SPPL2A: variants seen among roughly 807,000 people sequenced by gnomAD.
SPPL2A encodes signal peptide peptidase-like 2A.
Under a neutral mutation model 63.8 loss-of-function variants are expected in SPPL2A, and 51 were observed. The observed-to-expected ratio is 0.80, with a 90% CI of 0.64 to 1.01. The LOEUF (loss-of-function observed/expected upper bound fraction) is 1.01. SPPL2A is among the 50% of genes least tolerant of loss of function. SPPL2A has a pLI of 0.00. For synonymous variants in SPPL2A, 188 were observed against 205.8 expected, an observed-to-expected ratio of 0.91 and a Z score of 0.74; for missense variants, 553 against 622.7, an observed-to-expected ratio of 0.89 and a Z score of 1.19.
chr15:50,763,855 G>A (rs1319609531), intron 1 of SPPL2A, among the ~76,000 whole-genome samples: 5 of 152,038 alleles, frequency 3.3e-5, no homozygotes, highest in Admixed American at 6.6e-5. Flanking sequence ...CCGAGATCGC[G>A]CCACTGCACT....
Position 50,707,511 on chromosome 15 carries a change from AG to A in SPPL2A, c.*288del. 3 of 257,770 alleles carry A rather than the reference AG, an allele frequency of 1.2e-5. No individual in the cohort carries two copies. Among genetic ancestry groups the A allele is most frequent in the East Asian group, 7.2e-5 (1 of 13,850 alleles). The allele number at this position is 257,770 out of a possible 1,614,324, so 16.0% of individuals were successfully genotyped here. A position where few individuals can be genotyped will look rare whatever the true frequency, so the allele number is the denominator to read the frequency against. On this transcript the variant is annotated 3_prime_UTR_variant, in exon 15 of 15. Transcript: ENST00000261854. ...AAAGAAACAGATTTCGTTAAAAAAA[AG>A]TATAGGGGTGGGTCAAGGCATTTTT... is the stretch of plus-strand genomic sequence containing the variant.
chr15:50,758,989 C>A (rs139962654), intron 1 of SPPL2A, among the ~76,000 whole-genome samples: 1 of 152,162 alleles, frequency 6.6e-6, no homozygotes, highest in Non-Finnish European at 1.5e-5. Flanking sequence ...CAGCTCACTG[C>A]TGCCTTCAAC....
chr15:50,722,012 C>T, intron 13 of SPPL2A, 112 bp downstream of exon 13: 1 of 637,536 alleles, frequency 1.6e-6, no homozygotes, highest in East Asian at 2.8e-5. Flanking sequence ...TGCTAGGACT[C>T]CAGGGGTGAA....
chr15:50,764,132 A>T (rs1308486822), intron 1 of SPPL2A, among the ~76,000 whole-genome samples: 4 of 152,204 alleles, frequency 2.6e-5, no homozygotes, highest in African/African-American at 9.7e-5. Flanking sequence ...TTGAGAAGGG[A>T]TTAGTACGAA....
chr15:50,709,517 C>T (rs999108100), intron 14 of SPPL2A, among the ~76,000 whole-genome samples: 1 of 152,094 alleles, frequency 6.6e-6, no homozygotes, highest in Non-Finnish European at 1.5e-5. Flanking sequence ...CTGGGCCGGG[C>T]GCGGTGGCTC....
At chr15:50,714,319 T>C (rs546141055) in intron 14 of SPPL2A, among the ~76,000 whole-genome samples, 1 of 152,332 alleles carries the variant, frequency 6.6e-6, no homozygotes, top group South Asian at 2.1e-4. Context: ...TGTAGGTAGC[T>C]GCTGTGAAGC....
intron 13 of SPPL2A, among the ~76,000 whole-genome samples, chr15:50,721,796 C>G (rs967775355): frequency 2.0e-5 from 3 of 151,950 alleles, no homozygotes; most frequent in African/African-American, 7.3e-5. Flanking sequence ...TTAGTAGAGA[C>G]AGGGTTTCAT....
chr15:50,762,378 A>AC (rs1234413112), intron 1 of SPPL2A, among the ~76,000 whole-genome samples: 4 of 152,050 alleles, frequency 2.6e-5, no homozygotes, highest in African/African-American at 9.7e-5. Flanking sequence ...AAAAAAAAAA[A>AC]AAAACAAAAA....
intron 1 of SPPL2A, among the ~76,000 whole-genome samples, chr15:50,759,305 G>T (rs2062988856): frequency 1.3e-5 from 2 of 152,138 alleles, no homozygotes; most frequent in Admixed American, 1.3e-4. Flanking sequence ...TATTAGCTGG[G>T]TACAGTGGCT....
chr15:50,719,121 G>A (rs1485696636), intron 14 of SPPL2A, among the ~76,000 whole-genome samples: 1 of 152,156 alleles, frequency 6.6e-6, no homozygotes, highest in African/African-American at 2.4e-5. Context: ...AACCACTCAA[G>A]CAAAAGAGAC....
chr15:50,731,023 A>G lies in SPPL2A; in HGVS notation c.1031T>C (p.Leu344Pro), dbSNP rs551876182. 6 of 1,490,132 alleles carry G rather than the reference A, an allele frequency of 4.0e-6. No homozygotes were observed. The East Asian group carries it at 1.1e-4, about 28-fold the overall frequency. 92.3% of individuals were successfully genotyped at this position (1,490,132 alleles called of 1,614,324 possible). ...TACATCATAGAGGAGGAGAAGGCCT[A>G]GAAGTATCACACATGACTGTCAAAG... ...LPNFKSCVIL[L>P]GLLLLYDVFF... is the part of the protein sequence containing the mutation. Residue 344 changes from leucine to proline, a missense_variant, in exon 10 of 15, where the codon CTA becomes CCA. Transcript: ENST00000261854.
At chr15:50,709,108 A>G (rs2062536976) in intron 14 of SPPL2A, among the ~76,000 whole-genome samples, 1 of 152,210 alleles carries the variant, frequency 6.6e-6, no homozygotes, top group South Asian at 2.1e-4. Context: ...ATTCTCATAA[A>G]AAATTGTCTT....
chr15:50,739,747 T>C lies in SPPL2A; in HGVS notation c.666A>G (p.Thr222=), dbSNP rs1289240746. The change falls in exon 6 of 15, where the codon ACA becomes ACG. Residue 222 remains threonine, a synonymous_variant. Coordinates refer to ENST00000261854, the MANE Select transcript of SPPL2A (RefSeq NM_032802.4). Reference sequence around the variant, plus strand: ...AGCAGATGACCACAAATATTACAACTGTAAGAGGACTAAAAGTTAAATATT... The same window carrying C: ...AGCAGATGACCACAAATATTACAACCGTAAGAGGACTAAAAGTTAAATATT... ...KEEYLTFSPL[T]VVIFVVICCV... 1.9e-6 allele frequency: 3 copies of C among 1,601,778 alleles called. No individual in the cohort carries two copies. The highest frequency in any genetic ancestry group is 1.7e-4 in the Middle Eastern group (1 of 5,902).
chr15:50,728,284 AAC>A (rs746856898), intron 10 of SPPL2A, among the ~76,000 whole-genome samples: 7 of 152,346 alleles, frequency 4.6e-5, no homozygotes, highest in Non-Finnish European at 7.3e-5. Context: ...ATCCTACAAA[AAC>A]ACACTTTTGA....
chr15:50,745,579 A>C (rs1474165934), intron 5 of SPPL2A, among the ~76,000 whole-genome samples: 16 of 126,828 alleles, frequency 1.3e-4, no homozygotes, highest in East Asian at 2.4e-4. Flanking sequence ...GTAGGGTCTC[A>C]CTCTGTTGCC....
intron 1 of SPPL2A, among the ~76,000 whole-genome samples, chr15:50,752,017 G>C (rs764868598): frequency 6.6e-6 from 1 of 151,974 alleles, no homozygotes; most frequent in Non-Finnish European, 1.5e-5. Context: ...TTTTAGTAGA[G>C]ACGGGGTTTT....
intron 6 of SPPL2A, among the ~76,000 whole-genome samples, chr15:50,738,654 C>A (rs1490854639): frequency 2.0e-5 from 3 of 151,814 alleles, no homozygotes; most frequent in African/African-American, 7.3e-5. Flanking sequence ...TTTGGTGGTT[C>A]TTAAAAGGGC....
intron 1 of SPPL2A, among the ~76,000 whole-genome samples, chr15:50,761,222 C>G (rs1230034882): frequency 3.9e-5 from 6 of 152,118 alleles, no homozygotes; most frequent in Admixed American, 3.3e-4. Flanking sequence ...GTTGACCAGG[C>G]TGGTCTGAAA....
intron 1 of SPPL2A, among the ~76,000 whole-genome samples, chr15:50,751,661 C>T (rs1002230328): frequency 6.6e-6 from 1 of 152,094 alleles, no homozygotes; most frequent in African/African-American, 2.4e-5. Context: ...ATCTATGGCA[C>T]CATGTGAACA....
Sources: gnomAD v4.1 joint callset for allele counts (sites outside exome capture counted in the v4.1 genomes callset) on GRCh38, gnomAD v4.1.1 for gene constraint, MANE v1.5 for transcripts, NCBI Gene and HGNC (gene_info 2026-07-23, HGNC 2026-07-21) for gene names.